CNTN6: variants seen among roughly 807,000 people sequenced by gnomAD.
The protein encoded by CNTN6 is contactin-6.
In CNTN6, 137 loss-of-function variants were observed where a neutral mutation model predicts 122.8. The observed-to-expected ratio is 1.12, with a 90% CI of 0.97 to 1.29. The LOEUF is 1.29. CNTN6 is among the 50% of genes most tolerant of loss of function. The pLI is 0.00. For synonymous variants in CNTN6, 570 were observed against 426.0 expected, an observed-to-expected ratio of 1.34 and a Z score of -4.16; for missense variants, 1,634 against 1,223.4, an observed-to-expected ratio of 1.34 and a Z score of -5.01.
chr3:1,229,205 A>G (rs1345896681), intron 4 of CNTN6, among the ~76,000 whole-genome samples: 1 of 152,242 alleles, frequency 6.6e-6, no homozygotes, highest in East Asian at 1.9e-4. Flanking sequence ...AAAAATATTT[A>G]TAACACTTGA....
chr3:1,099,285 AC>A (rs1456860358), intron 1 of CNTN6, among the ~76,000 whole-genome samples: 3 of 151,858 alleles, frequency 2.0e-5, no homozygotes, highest in African/African-American at 7.3e-5. Context: ...CCCCGTCTCT[AC>A]CAAAAATACA....
At chr3:1,292,210 G>C (rs536882325) in intron 5 of CNTN6, among the ~76,000 whole-genome samples, 16 of 152,062 alleles carry the variant, frequency 1.1e-4, no homozygotes, top group Admixed American at 3.3e-4. Flanking sequence ...TCCTACTTTT[G>C]CCTTCTGGAC....
At chr3:1,377,768 G>A (rs1449122288) in intron 17 of CNTN6, among the ~76,000 whole-genome samples, 1 of 152,124 alleles carries the variant, frequency 6.6e-6, no homozygotes, top group East Asian at 1.9e-4. Flanking sequence ...CCCATTCACA[G>A]TGTTACCTCT....
intron 5 of CNTN6, among the ~76,000 whole-genome samples, chr3:1,285,819 T>A (rs1196465180): frequency 2.0e-5 from 3 of 152,186 alleles, no homozygotes; most frequent in African/African-American, 7.2e-5. Context: ...TAAAAGTTTT[T>A]AAATAATACA....
In CNTN6 at chr3:1,249,039, A is replaced by G. The variant is rs554172613; in HGVS notation, c.358+21046A>G. ...TCTAAAGTGAGGCCCAAGATTCTAC[A>G]TGTTTAACAAGATCACAGGTAACAC... On this transcript the variant is annotated intron_variant, in intron 4 of 22. Transcript: ENST00000446702. Among the ~76,000 whole-genome samples the G allele has an allele frequency of 3.3e-5, 5 of 152,298 alleles. No homozygotes were observed. The South Asian group carries it at 1.0e-3, about 32-fold the overall frequency.
chr3:1,262,447 T>G (rs1302572348), intron 4 of CNTN6, among the ~76,000 whole-genome samples: 1 of 152,110 alleles, frequency 6.6e-6, no homozygotes, highest in Non-Finnish European at 1.5e-5. Flanking sequence ...GTGGCAAGTG[T>G]CCTTCCTGTT....
intron 11 of CNTN6, among the ~76,000 whole-genome samples, chr3:1,336,263 G>T (rs155232): frequency 0.012 from 1,749 of 151,736 alleles, 39 homozygotes; most frequent in African/African-American, 0.04. Flanking sequence ...CATGCTAGAT[G>T]GTGTACCAGG....
intron 2 of CNTN6, among the ~76,000 whole-genome samples, chr3:1,195,669 T>G (rs1175365358): frequency 6.6e-6 from 1 of 152,186 alleles, no homozygotes; most frequent in African/African-American, 2.4e-5. Flanking sequence ...GATTCTGCCT[T>G]CTTAGTTTAC....
chr3:1,248,035 G>A (rs1260965739), intron 4 of CNTN6, among the ~76,000 whole-genome samples: 1 of 151,980 alleles, frequency 6.6e-6, no homozygotes, highest in Non-Finnish European at 1.5e-5. Context: ...TATTTTGTTG[G>A]TATGTTGGGT....
intron 1 of CNTN6, among the ~76,000 whole-genome samples, chr3:1,106,331 T>G (rs1456324323): frequency 6.6e-6 from 1 of 152,152 alleles, no homozygotes; most frequent in Non-Finnish European, 1.5e-5. Context: ...TATTTTTGTT[T>G]TAGCTTGCAT....
chr3:1,155,806 A>C (rs1203982206), intron 2 of CNTN6, among the ~76,000 whole-genome samples: 1 of 152,074 alleles, frequency 6.6e-6, no homozygotes, highest in Non-Finnish European at 1.5e-5. Context: ...CCCCCAAGAC[A>C]TTTGTACCAG....
chr3:1,300,581 GAA>G lies in CNTN6; in HGVS notation c.761+2592_761+2593del, dbSNP rs374640865. On this transcript the variant is annotated intron_variant, in intron 7 of 22. Transcript: ENST00000446702. The stretch of plus-strand genomic sequence containing the variant: ...AAAAAGAAAGAAAGAAAGAAAGAAA[GAA>G]AGAAAGAAAGAAAGAAAGAAAGAGA... Among the ~76,000 whole-genome samples, 33 of 39,628 alleles carry G rather than the reference GAA, an allele frequency of 8.3e-4. 1 individual carries two copies. Among genetic ancestry groups the G allele is most frequent in the African/African-American group, 1.9e-3 (32 of 16,826 alleles). The allele number at this position is 39,628 out of a possible 152,430, so 26.0% of individuals were successfully genotyped here.
rs754338687 is a variant in CNTN6, at chr3:1,382,965, T to C, written c.2190T>C (p.Asn730=). ...TWESIPEELQ[N]GEGFGYIIMF... is the part of the protein sequence containing the mutation. ...AGTCAATTCCAGAAGAACTGCAGAA[T>C]GGGGAGGGATTTGGATATATCATCA... is the stretch of plus-strand genomic sequence containing the variant. The change falls in exon 18 of 23, where the codon AAT becomes AAC. Residue 730 remains asparagine, a synonymous_variant. Transcript: ENST00000446702. The C allele has an allele frequency of 6.9e-5, 111 of 1,613,762 alleles. No homozygotes were observed. The highest frequency in any genetic ancestry group is 9.3e-5 in the Non-Finnish European group (110 of 1,179,836).
chr3:1,115,024 G>T (rs1202459637), intron 1 of CNTN6, among the ~76,000 whole-genome samples: 1 of 152,044 alleles, frequency 6.6e-6, no homozygotes, highest in Admixed American at 6.6e-5. Context: ...CGGGAGGTTG[G>T]AAAATATTTG....
intron 4 of CNTN6, among the ~76,000 whole-genome samples, chr3:1,246,490 T>C (rs1254236472): frequency 6.6e-6 from 1 of 152,198 alleles, no homozygotes; most frequent in Non-Finnish European, 1.5e-5. Context: ...TCTTCTATGA[T>C]TATTCTTGCA....
intron 3 of CNTN6, 97 bp from the exon 4 acceptor site, chr3:1,227,720 GT>G: frequency 7.7e-7 from 1 of 1,292,032 alleles, no homozygotes; most frequent in East Asian, 2.4e-5. Flanking sequence ...GTTTTTTGGT[GT>G]TTTTTATAGT....
intron 1 of CNTN6, among the ~76,000 whole-genome samples, chr3:1,111,361 G>A (rs886338141): frequency 3.9e-4 from 59 of 152,196 alleles, no homozygotes; most frequent in Non-Finnish European, 6.6e-4. Flanking sequence ...TTAGGCTAAC[G>A]TATTTAATTC....
intron 1 of CNTN6, among the ~76,000 whole-genome samples, chr3:1,111,268 G>C (rs2091467831): frequency 6.6e-6 from 1 of 152,060 alleles, no homozygotes; most frequent in African/African-American, 2.4e-5. Flanking sequence ...TATTGTCTAC[G>C]CATTATATAC....
At chr3:1,346,216 G>T (rs115089091) in intron 11 of CNTN6, among the ~76,000 whole-genome samples, 1 of 152,110 alleles carries the variant, frequency 6.6e-6, no homozygotes, top group Non-Finnish European at 1.5e-5. Context: ...AATCTCTATT[G>T]TATTGAAATA....
Sources: allele counts gnomAD v4.1 joint callset (sites outside exome capture counted in the v4.1 genomes callset), GRCh38; gene constraint gnomAD v4.1.1; transcripts MANE v1.5; gene names NCBI Gene and HGNC (gene_info 2026-07-23, HGNC 2026-07-21).